The following RPH3A variants were observed in gnomAD, a reference collection of about 807,000 sequenced individuals.
The protein encoded by RPH3A is rabphilin 3A, also known as rabphilin-3A.
A neutral mutation model predicts 102.2 loss-of-function variants in RPH3A; 48 were observed. The observed-to-expected ratio is 0.47, with a 90% CI of 0.37 to 0.60. RPH3A has a LOEUF of 0.60. RPH3A is among the 20% of genes least tolerant of loss of function. The probability of loss-of-function intolerance (pLI) is 0.00; values close to 1 mark genes in which losing one functional copy is unlikely to be tolerated. For synonymous variants in RPH3A, 310 were observed against 324.3 expected (o/e 0.96, Z 0.47); for missense variants, 781 against 910.1 (o/e 0.86, Z 1.83).
intron 1 of RPH3A, among the ~76,000 whole-genome samples, chr12:112,615,756 A>G (rs2039674409): frequency 6.6e-6 from 1 of 152,164 alleles, no homozygotes. Flanking sequence ...GGCTCTGGAA[A>G]TTCAAGTTGG....
chr12:112,712,991 T>TC (rs2040481833), intron 1 of RPH3A, among the ~76,000 whole-genome samples: 6 of 109,242 alleles, frequency 5.5e-5, no homozygotes, highest in South Asian at 3.9e-4. Context: ...TTCGTCGTCT[T>TC]TGTCTTCCTC....
chr12:112,836,481 C>T lies in RPH3A; in HGVS notation c.72-10C>T, dbSNP rs1374417044. 7.5e-7 allele frequency: 1 copy of T among 1,335,244 alleles called. No individual in the cohort carries two copies. The highest frequency in any genetic ancestry group is 2.6e-5 in the East Asian group (1 of 38,172). The allele number at this position is 1,335,244 out of a possible 1,614,324, so 82.7% of individuals were successfully genotyped here. On this transcript the variant is annotated splice_polypyrimidine_tract_variant and intron_variant, in intron 3 of 21. Transcript: ENST00000389385. ...TTTTTTCTTTCTCTCCTTTCTCTGC[C>T]TTCCTTCAGTGATAAAGAACAGTGA... is the stretch of plus-strand genomic sequence containing the variant.
Position 112,734,447 on chromosome 12 carries a change from G to A in RPH3A, c.-139-57696G>A, listed in dbSNP as rs377076223. On this transcript the variant is annotated intron_variant, in intron 1 of 21. Transcript: ENST00000543106. ...TACGTGACGTGTGACTGTACATGGC[G>A]AATATCAGTCCAAGTGTTACCAGAA... Among the ~76,000 whole-genome samples, 21 of 152,294 alleles carry A rather than the reference G, an allele frequency of 1.4e-4. 1 individual carries two copies. The highest frequency in any genetic ancestry group is 3.9e-4 in the African/African-American group (16 of 41,550).
intron 5 of RPH3A, among the ~76,000 whole-genome samples, chr12:112,859,764 T>C (rs1391303782): frequency 6.6e-6 from 1 of 152,220 alleles, no homozygotes; most frequent in African/African-American, 2.4e-5. Flanking sequence ...CGCTTTAAAA[T>C]GCAGGTTCCT....
chr12:112,841,361 A>C (rs945440776), intron 4 of RPH3A, among the ~76,000 whole-genome samples: 5 of 151,850 alleles, frequency 3.3e-5, no homozygotes, highest in Middle Eastern at 3.2e-3. Flanking sequence ...GTGAGATTGG[A>C]CCATCTGGCT....
At chr12:112,884,918 A>C (rs1033297892) in intron 16 of RPH3A, among the ~76,000 whole-genome samples, 7 of 152,182 alleles carry the variant, frequency 4.6e-5, no homozygotes, top group Admixed American at 3.9e-4. Context: ...AACATCTTAC[A>C]GGACAAGTTA....
intron 3 of RPH3A, among the ~76,000 whole-genome samples, chr12:112,832,072 G>A (rs2041979019): frequency 6.6e-6 from 1 of 152,036 alleles, no homozygotes. Context: ...TCTGGAATCT[G>A]ATTAGATAAA....
rs965754362 is a variant in RPH3A at position 112,826,407 on chromosome 12, T to C, written c.-18-1894T>C. Among the ~76,000 whole-genome samples, 6 of 152,134 alleles carry C rather than the reference T, an allele frequency of 3.9e-5. No individual in the cohort carries two copies. In the East Asian group the frequency reaches 1.2e-3, roughly 29 times the overall value. Reference sequence around the variant, plus strand: ...GCAACAGGGAGCCATTGAAGACTCTTGAGCAAAAGAGTGACATAACTGACT... The same window carrying C: ...GCAACAGGGAGCCATTGAAGACTCTCGAGCAAAAGAGTGACATAACTGACT... On this transcript the variant is annotated intron_variant, in intron 2 of 21. Transcript: ENST00000389385.
intron 2 of RPH3A, among the ~76,000 whole-genome samples, chr12:112,821,983 A>C (rs2041789220): frequency 6.6e-6 from 1 of 152,110 alleles, no homozygotes; most frequent in Admixed American, 6.5e-5. Flanking sequence ...TAAAAAAAAA[A>C]AAACCCCTTC....
At position 112,868,427 on chromosome 12, in the gene RPH3A, A is replaced by C. The variant is rs201916806; in HGVS notation, c.445-3A>C. 5.0e-6 allele frequency: 8 copies of C among 1,613,158 alleles called. No individual in the cohort carries two copies. The Admixed American group carries it at 1.3e-4, about 27-fold the overall frequency. ...TCTTCAATCCCTGTCTCTCCTCCCC[A>C]AGGTGTGGAAGCGTTCTGGAGCGTG... On this transcript the variant is annotated splice_region_variant and splice_polypyrimidine_tract_variant and intron_variant, in intron 7 of 21. Coordinates refer to ENST00000389385, the MANE Select transcript of RPH3A (RefSeq NM_001143854.2).
chr12:112,717,832 G>C (rs2040524561), intron 1 of RPH3A, among the ~76,000 whole-genome samples: 1 of 151,780 alleles, frequency 6.6e-6, no homozygotes, highest in Non-Finnish European at 1.5e-5. Context: ...CATGGTGGGT[G>C]TACCATTTGT....
chr12:112,815,791 G>T (rs541415210), intron 2 of RPH3A, among the ~76,000 whole-genome samples: 1 of 152,250 alleles, frequency 6.6e-6, no homozygotes, highest in Non-Finnish European at 1.5e-5. Flanking sequence ...CAGTGTGTCT[G>T]TGTGTGCATG....
intron 1 of RPH3A, among the ~76,000 whole-genome samples, chr12:112,651,477 A>C (rs1016763081): frequency 3.9e-5 from 6 of 152,148 alleles, no homozygotes; most frequent in Admixed American, 3.9e-4. Context: ...ACTTCATTAT[A>C]TTATCTTGGT....
chr12:112,582,842 G>A (rs1249460766), intron 1 of RPH3A, among the ~76,000 whole-genome samples: 1 of 152,168 alleles, frequency 6.6e-6, no homozygotes, highest in Admixed American at 6.5e-5. Context: ...CAGACATTTT[G>A]GTTGATGCCA....
chr12:112,675,824 C>T (rs887227561), intron 1 of RPH3A, among the ~76,000 whole-genome samples: 1 of 152,050 alleles, frequency 6.6e-6, no homozygotes, highest in Non-Finnish European at 1.5e-5. Context: ...CAGTGAGGGT[C>T]CTATCAGGAA....
At chr12:112,841,706 G>GTTTTTTTTTT (rs150878418) in intron 4 of RPH3A, among the ~76,000 whole-genome samples, 6 of 145,050 alleles carry the variant, frequency 4.1e-5, no homozygotes, top group African/African-American at 1.3e-4. Flanking sequence ...TTGTTTTTTT[G>GTTTTTTTTTT]GTTTTTTTTT....
intron 2 of RPH3A, among the ~76,000 whole-genome samples, chr12:112,803,536 G>A (rs897709477): frequency 1.3e-5 from 2 of 151,320 alleles, no homozygotes; most frequent in Non-Finnish European, 2.9e-5. Flanking sequence ...GAGGACACAG[G>A]CTACAGAAGA....
intron 2 of RPH3A, among the ~76,000 whole-genome samples, chr12:112,819,761 C>A (rs961916957): frequency 6.6e-6 from 1 of 152,198 alleles, no homozygotes; most frequent in African/African-American, 2.4e-5. Context: ...GACAGGACAG[C>A]CTTAGCAGCT....
chr12:112,706,723 G>A (rs1441271628), intron 1 of RPH3A, among the ~76,000 whole-genome samples: 1 of 152,188 alleles, frequency 6.6e-6, no homozygotes, highest in Non-Finnish European at 1.5e-5. Flanking sequence ...TTAAGCCAGG[G>A]ATGGGAGAAC....
Sources: allele counts gnomAD v4.1 joint callset (sites outside exome capture counted in the v4.1 genomes callset), GRCh38; gene constraint gnomAD v4.1.1; transcripts MANE v1.5; gene names NCBI Gene and HGNC (gene_info 2026-07-23, HGNC 2026-07-21).